Variants in SHTN1 observed in about 807,000 individuals in gnomAD.
The protein encoded by SHTN1 is shootin 1, also known as shootin-1.
In SHTN1, 42 loss-of-function variants were observed where a neutral mutation model predicts 83.1. The observed-to-expected ratio is 0.51, with a 90% CI of 0.39 to 0.65. The LOEUF is 0.65. Among genes scored for constraint, SHTN1 ranks in the 30% least tolerant of loss-of-function variants. SHTN1 has a pLI of 0.00. For synonymous variants in SHTN1, 224 were observed against 247.7 expected, an observed-to-expected ratio of 0.90 and a Z score of 0.90; for missense variants, 622 against 737.8, an observed-to-expected ratio of 0.84 and a Z score of 1.82.
intron 14 of SHTN1, among the ~76,000 whole-genome samples, chr10:116,908,163 G>T (rs1008912577): frequency 6.6e-6 from 1 of 152,104 alleles, no homozygotes; most frequent in African/African-American, 2.4e-5. Context: ...AACAAGATTA[G>T]GAGATTATAT....
At chr10:116,894,331 A>G (rs1214615879) in intron 16 of SHTN1, among the ~76,000 whole-genome samples, 1 of 152,212 alleles carries the variant, frequency 6.6e-6, no homozygotes, top group Non-Finnish European at 1.5e-5. Context: ...TTGAAGTCTT[A>G]TAATTGCCAC....
At chr10:117,115,522 A>T (rs1853833132) in intron 1 of SHTN1, among the ~76,000 whole-genome samples, 1 of 152,188 alleles carries the variant, frequency 6.6e-6, no homozygotes, top group Non-Finnish European at 1.5e-5. Context: ...AAGTTATCTT[A>T]AAATTCCCTT....
intron 9 of SHTN1, among the ~76,000 whole-genome samples, chr10:116,936,506 T>C (rs1849168889): frequency 6.6e-6 from 1 of 152,254 alleles, no homozygotes; most frequent in Non-Finnish European, 1.5e-5. Context: ...TCCTGATTTC[T>C]AATTTGATTG....
chr10:116,907,249 C>T (rs1207179802), intron 14 of SHTN1, among the ~76,000 whole-genome samples: 1 of 152,136 alleles, frequency 6.6e-6, no homozygotes, highest in Non-Finnish European at 1.5e-5. Context: ...TCAAAGGAGG[C>T]ACATAATGCT....
At chr10:117,111,621 T>TTGATGC (rs1853769775) in intron 1 of SHTN1, among the ~76,000 whole-genome samples, 1 of 152,148 alleles carries the variant, frequency 6.6e-6, no homozygotes, top group South Asian at 2.1e-4. Context: ...AAGTTTCCTG[T>TTGATGC]TGATGCTGAT....
chr10:117,025,510 G>T (rs1279130355), intron 2 of SHTN1, among the ~76,000 whole-genome samples: 1 of 152,142 alleles, frequency 6.6e-6, no homozygotes, highest in African/African-American at 2.4e-5. Context: ...GTGCTGAACT[G>T]GGCCCAGAAA....
At chr10:116,971,536 T>C (rs1056403740) in intron 2 of SHTN1, among the ~76,000 whole-genome samples, 20 of 152,154 alleles carry the variant, frequency 1.3e-4, no homozygotes, top group Non-Finnish European at 2.5e-4. Flanking sequence ...GTTCCTCTCA[T>C]TTTCTAGAAT....
At chr10:116,895,637 G>A (rs567673203) in intron 16 of SHTN1, among the ~76,000 whole-genome samples, 3 of 152,246 alleles carry the variant, frequency 2.0e-5, no homozygotes, top group East Asian at 3.9e-4. Context: ...CAACTTAACT[G>A]CAGAATCATT....
intron 1 of SHTN1, among the ~76,000 whole-genome samples, chr10:117,073,441 A>C (rs1853112460): frequency 6.6e-6 from 1 of 152,244 alleles, no homozygotes; most frequent in Non-Finnish European, 1.5e-5. Flanking sequence ...AGCTAAGCAG[A>C]TAGATGATGT....
chr10:116,881,773 C>T lies in SHTN1; in HGVS notation c.*4571G>A. 3.5e-6 allele frequency: 3 copies of T among 849,458 alleles called. No individual in the cohort carries two copies. Among genetic ancestry groups the T allele is most frequent in the Non-Finnish European group, 3.3e-6 (2 of 610,984 alleles). The allele number at this position is 849,458 out of a possible 1,614,324, so 52.6% of individuals were successfully genotyped here. A position where few individuals can be genotyped will look rare whatever the true frequency, so the allele number is the denominator to read the frequency against. On this transcript the variant is annotated 3_prime_UTR_variant, in exon 17 of 17. Coordinates refer to ENST00000355371, the MANE Select transcript of SHTN1 (RefSeq NM_001127211.3). ...ACATGGAGTTTCCTCTTCAACTTCA[C>T]CAACTCTTGTGGTTTTTATTCTTCT...
chr10:116,905,799 G>A (rs1428277333), intron 15 of SHTN1, among the ~76,000 whole-genome samples: 1 of 152,082 alleles, frequency 6.6e-6, no homozygotes, highest in Admixed American at 6.5e-5. Context: ...TTTTGAAGTC[G>A]GCTTCCTACC....
chr10:117,027,190 TG>T (rs1375438096), intron 2 of SHTN1, among the ~76,000 whole-genome samples: 1 of 79,090 alleles, frequency 1.3e-5, no homozygotes, highest in East Asian at 2.4e-4. Context: ...TCCCCAACAT[TG>T]GAGGGGGGGC....
At chr10:116,895,828 C>G (rs990881830) in intron 16 of SHTN1, among the ~76,000 whole-genome samples, 2 of 152,126 alleles carry the variant, frequency 1.3e-5, no homozygotes, top group Non-Finnish European at 2.9e-5. Context: ...AGTTGTTTAC[C>G]TCACTGAGCC....
rs577398164 is a variant in SHTN1 at position 117,083,758 on chromosome 10, C to T, written c.-188-35248G>A. On this transcript the variant is annotated intron_variant, in intron 1 of 17. Transcript: ENST00000392901. ...TTCTTTTTATTCTTTTTTCTCTAAA[C>T]TTTCCTTCTCGCTTCATTTCATTCA... Among the ~76,000 whole-genome samples, 13 of 152,000 alleles carry T rather than the reference C, an allele frequency of 8.6e-5. No individual in the cohort carries two copies. In the East Asian group the frequency reaches 2.0e-3, roughly 23 times the overall value.
At chr10:117,122,647 T>C (rs568382149) in intron 1 of SHTN1, among the ~76,000 whole-genome samples, 5 of 152,332 alleles carry the variant, frequency 3.3e-5, no homozygotes, top group African/African-American at 7.2e-5. Flanking sequence ...ACATGACTTA[T>C]GAAATCCTAG....
At chr10:116,968,310 A>G (rs1351644073) in intron 3 of SHTN1, among the ~76,000 whole-genome samples, 2 of 152,372 alleles carry the variant, frequency 1.3e-5, no homozygotes, top group East Asian at 3.9e-4. Context: ...TACATTTTTT[A>G]CTACACAAAT....
At chr10:117,068,446 C>A (rs533101074) in intron 1 of SHTN1, among the ~76,000 whole-genome samples, 1 of 151,884 alleles carries the variant, frequency 6.6e-6, no homozygotes, top group East Asian at 1.9e-4. Flanking sequence ...TCTCGGATTA[C>A]AGCAAGCTGA....
intron 1 of SHTN1, among the ~76,000 whole-genome samples, chr10:117,078,371 C>G (rs919315562): frequency 6.6e-6 from 1 of 152,142 alleles, no homozygotes; most frequent in Non-Finnish European, 1.5e-5. Context: ...GTGGCCACCA[C>G]TAGTTTTCCT....
rs763331501 is a variant in SHTN1, at chr10:116,906,723, A to G, written c.1384T>C (p.Ser462Pro). ...ILGTLNKSTSSRSLKSLDPEN... is the reference protein window; with the variant it reads ...ILGTLNKSTSPRSLKSLDPEN... ...GGGTCAAGGGATTTTAAGCTTCTTG[A>G]ACTAGTGGATTTGTTAAGTGTCCCC... The change falls in exon 15 of 17, where the codon TCA (serine) becomes CCA (proline). Residue 462 changes from serine to proline, a missense_variant. Ser to Pro is a moderately conservative substitution (Grantham distance 74). This residue lies in a region of SHTN1 where 231 missense variants were observed against 251.6 expected (regional missense o/e 0.92). Transcript: ENST00000355371. The G allele has an allele frequency of 6.2e-7, 1 of 1,612,934 alleles. No homozygotes were observed. The highest frequency in any genetic ancestry group is 8.5e-7 in the Non-Finnish European group (1 of 1,179,402).
Sources: allele counts gnomAD v4.1 joint callset (sites outside exome capture counted in the v4.1 genomes callset), GRCh38; gene constraint gnomAD v4.1.1; regional missense constraint gnomAD v4.1.1; transcripts MANE v1.5; gene names NCBI Gene and HGNC (gene_info 2026-07-23, HGNC 2026-07-21).